The following FYN variants were observed in gnomAD, a reference collection of about 807,000 sequenced individuals.
The protein encoded by FYN is tyrosine-protein kinase Fyn.
FYN carries 10 observed loss-of-function variants against 70.2 expected under a neutral mutation model. The observed-to-expected ratio is 0.14, with a 90% confidence interval of 0.09 to 0.24. The LOEUF (loss-of-function observed/expected upper bound fraction) is 0.24, where lower values mean the gene tolerates loss of function less well. Among genes scored for constraint, FYN ranks in the 10% least tolerant of loss-of-function variants. The pLI, the probability that FYN is intolerant of heterozygous loss-of-function variation, is 1.00. For synonymous variants in FYN, 236 were observed against 248.6 expected (o/e 0.95, Z 0.48); for missense variants, 319 against 673.1 (o/e 0.47, Z 5.82).
At chr6:111,770,947 T>C (rs183233705) in intron 3 of FYN, among the ~76,000 whole-genome samples, 75 of 152,174 alleles carry the variant, frequency 4.9e-4, no homozygotes, top group African/African-American at 1.8e-3. Flanking sequence ...GAACAAACCA[T>C]AGCAAGGTTT....
chr6:111,776,698 C>T lies in FYN; in HGVS notation c.-12+3868G>A, dbSNP rs191365068. Among the ~76,000 whole-genome samples the T allele has an allele frequency of 2.9e-3, 438 of 152,244 alleles. 8 individuals are homozygous for T. In the South Asian group the frequency reaches 0.048, roughly 17 times the overall value. ...TGGCCTAGAAGCCGGGTGAGTGCAT[C>T]CCAAAATATACTTCACAAAAAGCAC... On this transcript the variant is annotated intron_variant, in intron 3 of 13. Transcript: ENST00000354650.
intron 2 of FYN, among the ~76,000 whole-genome samples, chr6:111,818,359 T>A (rs1016048846): frequency 6.6e-6 from 1 of 152,076 alleles, no homozygotes; most frequent in Non-Finnish European, 1.5e-5. Context: ...TATAAATACC[T>A]CAGGTATGAG....
intron 2 of FYN, among the ~76,000 whole-genome samples, chr6:111,782,260 T>C (rs886556045): frequency 2.0e-5 from 3 of 152,234 alleles, no homozygotes; most frequent in Non-Finnish European, 2.9e-5. Context: ...GGGAAGGTCC[T>C]ATCTTCTTCC....
chr6:111,862,983 GC>G (rs1774007064), intron 1 of FYN, among the ~76,000 whole-genome samples: 1 of 152,236 alleles, frequency 6.6e-6, no homozygotes, highest in South Asian at 2.1e-4. Flanking sequence ...ATTAGCATCT[GC>G]TAAATGAGGT....
chr6:111,763,686 C>T (rs1803096638), intron 3 of FYN, among the ~76,000 whole-genome samples: 1 of 152,206 alleles, frequency 6.6e-6, no homozygotes, highest in African/African-American at 2.4e-5. Flanking sequence ...AGCTATGCAT[C>T]TATTCATGCT....
At chr6:111,677,535 G>A (rs1363182954) in intron 12 of FYN, among the ~76,000 whole-genome samples, 1 of 152,214 alleles carries the variant, frequency 6.6e-6, no homozygotes, top group Admixed American at 6.5e-5. Context: ...AGGTTGCACA[G>A]TGTAAAATCC....
chr6:111,666,243 G>C (rs567594607), intron 13 of FYN, among the ~76,000 whole-genome samples: 2 of 152,254 alleles, frequency 1.3e-5, no homozygotes, highest in South Asian at 4.2e-4. Flanking sequence ...TGGCCTTCCA[G>C]GTTTCCTAGT....
At chr6:111,738,810 C>T (rs1193051872) in intron 3 of FYN, among the ~76,000 whole-genome samples, 2 of 152,052 alleles carry the variant, frequency 1.3e-5, no homozygotes. Flanking sequence ...AGGGGTGAGC[C>T]CTGTGAAGGC....
rs181495290 is a variant in FYN, at chr6:111,660,493, G to A, written c.*1246C>T. ...GAAATAGGATTTTTGATTTGTTGTT[G>A]TTAAACATATGTAATTTAAGGTTGG... On this transcript the variant is annotated 3_prime_UTR_variant, in exon 14 of 14. Transcript: ENST00000354650. The A allele has an allele frequency of 1.2e-4, 18 of 152,288 alleles. No homozygotes were observed. The highest frequency in any genetic ancestry group is 2.9e-5 in the Non-Finnish European group (2 of 68,018). 9.4% of individuals were successfully genotyped at this position (152,288 alleles called of 1,614,324 possible).
At chr6:111,745,706 G>C (rs943808769) in intron 3 of FYN, among the ~76,000 whole-genome samples, 1 of 152,236 alleles carries the variant, frequency 6.6e-6, no homozygotes, top group African/African-American at 2.4e-5. Flanking sequence ...TCTGGAGGGA[G>C]AAGGTGAGCA....
intron 2 of FYN, among the ~76,000 whole-genome samples, chr6:111,788,644 A>G (rs1771492535): frequency 6.6e-6 from 1 of 152,224 alleles, no homozygotes; most frequent in Admixed American, 6.5e-5. Context: ...TCAATTTAAA[A>G]TATAGTATAG....
intron 3 of FYN, among the ~76,000 whole-genome samples, chr6:111,763,251 T>C (rs1803081759): frequency 1.3e-5 from 2 of 152,186 alleles, no homozygotes; most frequent in Admixed American, 6.5e-5. Flanking sequence ...TTCTATAAAA[T>C]GTATAAAATC....
intron 12 of FYN, among the ~76,000 whole-genome samples, chr6:111,690,255 G>C (rs547835382): frequency 6.6e-6 from 1 of 152,156 alleles, no homozygotes; most frequent in Non-Finnish European, 1.5e-5. Context: ...ATTCTGGGAA[G>C]AAGGTGCAGT....
At chr6:111,760,980 A>T (rs1802983612) in intron 3 of FYN, among the ~76,000 whole-genome samples, 2 of 152,162 alleles carry the variant, frequency 1.3e-5, no homozygotes, top group African/African-American at 2.4e-5. Context: ...GGTGCAACCA[A>T]ATTGTATAAT....
intron 6 of FYN, among the ~76,000 whole-genome samples, chr6:111,704,493 C>T (rs1799980005): frequency 6.6e-6 from 1 of 152,196 alleles, no homozygotes; most frequent in South Asian, 2.1e-4. Context: ...GTGGCTCATA[C>T]CTGTAATCCC....
chr6:111,719,836 A>G lies in FYN; in HGVS notation c.216T>C (p.His72=), dbSNP rs769214809. 4.1e-5 allele frequency: 66 copies of G among 1,614,030 alleles called. No individual in the cohort carries two copies. The South Asian group carries it at 6.7e-4, about 16-fold the overall frequency. The change falls in exon 4 of 14, where the codon CAT becomes CAC. Residue 72 remains histidine, a synonymous_variant. Coordinates refer to ENST00000354650, the MANE Select transcript of FYN (RefSeq NM_002037.5). ...TVFGGVNSSS[H]TGTLRTRGGT... ...CTCCTCTCGTACGCAAGGTCCCCGT[A>G]TGAGACGAAGAGTTCACACCTCCAA...
intron 2 of FYN, among the ~76,000 whole-genome samples, chr6:111,793,400 G>A (rs1771695496): frequency 6.6e-6 from 1 of 151,760 alleles, no homozygotes; most frequent in Non-Finnish European, 1.5e-5. Flanking sequence ...TGGGGCCTTG[G>A]TTTACAGTCT....
At chr6:111,718,063 C>T (rs541346211) in intron 4 of FYN, among the ~76,000 whole-genome samples, 20 of 152,316 alleles carry the variant, frequency 1.3e-4, no homozygotes, top group African/African-American at 3.4e-4. Flanking sequence ...CACTCCATGA[C>T]CAGATTCCCT....
At chr6:111,787,100 T>C (rs1248060878) in intron 2 of FYN, among the ~76,000 whole-genome samples, 3 of 152,258 alleles carry the variant, frequency 2.0e-5, no homozygotes, top group African/African-American at 7.2e-5. Flanking sequence ...TTGGCTTTTG[T>C]TGCCATTGCT....
Sources: gnomAD v4.1 joint callset for allele counts (sites outside exome capture counted in the v4.1 genomes callset) on GRCh38, gnomAD v4.1.1 for gene constraint, MANE v1.5 for transcripts, NCBI Gene and HGNC (gene_info 2026-07-23, HGNC 2026-07-21) for gene names.